ASIC2: variants seen among roughly 807,000 people sequenced by gnomAD.
ASIC2 encodes the protein acid-sensing ion channel 2.
ASIC2 carries 25 observed loss-of-function variants against 57.3 expected under a neutral mutation model. That is an observed-to-expected ratio of 0.44 (90% CI 0.32 to 0.61). The LOEUF is 0.61. Ranked by LOEUF, ASIC2 falls within the 20% of genes least tolerant of loss-of-function variation. ASIC2 has a pLI of 0.06. For missense variants in ASIC2, 641 were observed against 738.1 expected (o/e 0.87, Z 1.52); for synonymous variants, 319 against 307.5 (o/e 1.04, Z -0.39).
At chr17:34,014,247 G>A (rs1368193297) in intron 1 of ASIC2, among the ~76,000 whole-genome samples, 1 of 152,194 alleles carries the variant, frequency 6.6e-6, no homozygotes, top group Admixed American at 6.5e-5. Flanking sequence ...TTCTACAGGA[G>A]AGGAAATCAA....
At chr17:33,698,634 T>C (rs1202271640) in intron 1 of ASIC2, among the ~76,000 whole-genome samples, 1 of 152,256 alleles carries the variant, frequency 6.6e-6, no homozygotes, top group Non-Finnish European at 1.5e-5. Context: ...TTGGGGTGAA[T>C]AAGTACTTGC....
intron 1 of ASIC2, among the ~76,000 whole-genome samples, chr17:33,605,450 C>T (rs1463026493): frequency 1.3e-5 from 2 of 152,172 alleles, no homozygotes; most frequent in Non-Finnish European, 2.9e-5. Context: ...TAGTTTTTAT[C>T]ACTTTCAAGG....
At chr17:33,556,877 G>A (rs1915923720) in intron 1 of ASIC2, among the ~76,000 whole-genome samples, 1 of 152,140 alleles carries the variant, frequency 6.6e-6, no homozygotes, top group Non-Finnish European at 1.5e-5. Flanking sequence ...GCATATCTTA[G>A]CAAATTCTGC....
rs71942449 is a variant in ASIC2 at position 34,099,609 on chromosome 17, AAG to A, written c.555+56367_555+56368del. 6.7e-3 allele frequency among the ~76,000 whole-genome samples: 1,003 copies of A among 148,714 alleles called. 16 individuals carry two copies. Among genetic ancestry groups the A allele is most frequent in the African/African-American group, 0.024 (933 of 39,316 alleles). ...AGGAAAGAAAGAGAAAAAAGAGAGA[AAG>A]AGGAAAGAAAGAAAAAGAAAAAGAA... On this transcript the variant is annotated intron_variant, in intron 1 of 9. Coordinates refer to the ASIC2 transcript ENST00000359872.
At chr17:33,689,363 C>T (rs953286258) in intron 1 of ASIC2, among the ~76,000 whole-genome samples, 2 of 152,172 alleles carry the variant, frequency 1.3e-5, no homozygotes, top group Admixed American at 6.5e-5. Context: ...GGCCACAGCA[C>T]CCGGACTAGC....
intron 1 of ASIC2, chr17:33,794,579 T>C (rs1168510450): frequency 6.6e-6 from 1 of 152,168 alleles, no homozygotes; most frequent in African/African-American, 2.4e-5. Flanking sequence ...TGTTCTTTTG[T>C]TTTGGAAATT....
intron 1 of ASIC2, among the ~76,000 whole-genome samples, chr17:33,384,211 A>G (rs990414156): frequency 2.0e-4 from 30 of 152,240 alleles, no homozygotes; most frequent in African/African-American, 7.2e-4. Context: ...CCTGTAGAAT[A>G]GGCACTTAAG....
intron 1 of ASIC2, among the ~76,000 whole-genome samples, chr17:33,214,015 G>A (rs1292750600): frequency 6.6e-6 from 1 of 151,790 alleles, no homozygotes; most frequent in African/African-American, 2.4e-5. Flanking sequence ...ATGGTATAAT[G>A]TGCACACTTC....
chr17:33,978,507 C>A (rs899017441), intron 1 of ASIC2, among the ~76,000 whole-genome samples: 6 of 152,258 alleles, frequency 3.9e-5, no homozygotes, highest in Admixed American at 3.9e-4. Context: ...GTCCAGGTTA[C>A]TTTCCTATAC....
intron 1 of ASIC2, among the ~76,000 whole-genome samples, chr17:33,630,113 C>A (rs1257358855): frequency 2.0e-5 from 3 of 152,156 alleles, no homozygotes. Flanking sequence ...GATGTTTCTG[C>A]AACTTGCATC....
chr17:33,978,877 T>A lies in ASIC2; in HGVS notation c.555+177101A>T, dbSNP rs145538003. On this transcript the variant is annotated intron_variant, in intron 1 of 9. Coordinates refer to the ASIC2 transcript ENST00000359872. Reference sequence around the variant, plus strand: ...AGGGCTTCTAAACATGGGTCATAGATAAAACCAAAACAGAATAAACACACT... The same window carrying A: ...AGGGCTTCTAAACATGGGTCATAGAAAAAACCAAAACAGAATAAACACACT... Among the ~76,000 whole-genome samples, 745 of 152,086 alleles carry A rather than the reference T, an allele frequency of 4.9e-3. 7 individuals carry two copies. Among genetic ancestry groups the A allele is most frequent in the African/African-American group, 0.016 (677 of 41,470 alleles).
intron 1 of ASIC2, among the ~76,000 whole-genome samples, chr17:33,495,619 G>A (rs1246203356): frequency 1.3e-5 from 2 of 152,188 alleles, no homozygotes; most frequent in Non-Finnish European, 1.5e-5. Flanking sequence ...CCTTCAGTAA[G>A]TAGGAGGGAG....
chr17:33,669,000 G>T (rs4794969), intron 1 of ASIC2, among the ~76,000 whole-genome samples: 1 of 152,206 alleles, frequency 6.6e-6, no homozygotes, highest in South Asian at 2.1e-4. Context: ...TGCAACAGAC[G>T]CCGCCAGGAG....
At chr17:33,522,143 C>T (rs565826969) in intron 1 of ASIC2, among the ~76,000 whole-genome samples, 153 of 152,320 alleles carry the variant, frequency 1.0e-3, no homozygotes, top group Admixed American at 3.8e-3. Context: ...CCACTCCTTC[C>T]TGTCACTGCT....
intron 1 of ASIC2, among the ~76,000 whole-genome samples, chr17:34,011,341 AT>A (rs200575677): frequency 6.6e-6 from 1 of 151,852 alleles, no homozygotes; most frequent in African/African-American, 2.4e-5. Flanking sequence ...CTTAAGGTCT[AT>A]TTTTTTGGGC....
rs867701397 is a variant in ASIC2 at position 33,982,216 on chromosome 17, G to A, written c.555+173762C>T. Among the ~76,000 whole-genome samples, 24 of 152,354 alleles carry A rather than the reference G, an allele frequency of 1.6e-4. No individual in the cohort carries two copies. The Middle Eastern group carries it at 0.01, about 65-fold the overall frequency. On this transcript the variant is annotated intron_variant, in intron 1 of 9. Transcript: ENST00000359872. ...CACTAGGCTTGCAGCACTGGGCTGA[G>A]AGCTGGAAATAGCTCTGTATTTATT...
intron 1 of ASIC2, among the ~76,000 whole-genome samples, chr17:33,449,086 T>C (rs567019161): frequency 6.6e-6 from 1 of 152,208 alleles, no homozygotes; most frequent in Non-Finnish European, 1.5e-5. Context: ...GAAACTGTTT[T>C]ATAAACAGAA....
chr17:33,260,173 C>T (rs1909226914), intron 1 of ASIC2, among the ~76,000 whole-genome samples: 1 of 152,172 alleles, frequency 6.6e-6, no homozygotes, highest in African/African-American at 2.4e-5. Flanking sequence ...AAATGAGCTG[C>T]CCCAGTGAAC....
chr17:33,515,458 C>T lies in ASIC2; in HGVS notation c.556-403391G>A, dbSNP rs192678523. 7.9e-5 allele frequency among the ~76,000 whole-genome samples: 12 copies of T among 152,336 alleles called. 2 individuals are homozygous for T. In the South Asian group the frequency reaches 2.1e-3, roughly 26 times the overall value. ...GGGTATTTCAGGCCCATGGGTTGAA[C>T]CTCTCTCAGCCCTGTTTTCTTCTCT... On this transcript the variant is annotated intron_variant, in intron 1 of 9. Coordinates refer to the ASIC2 transcript ENST00000359872.
Sources: gnomAD v4.1 joint callset for allele counts (sites outside exome capture counted in the v4.1 genomes callset) on GRCh38, gnomAD v4.1.1 for gene constraint, MANE v1.5 for transcripts, NCBI Gene and HGNC (gene_info 2026-07-23, HGNC 2026-07-21) for gene names.